The following ITSN2 variants were observed in gnomAD, a reference collection of about 807,000 sequenced individuals.
ITSN2 encodes intersectin-2.
Under a neutral mutation model 243.7 loss-of-function variants are expected in ITSN2, and 156 were observed. The observed-to-expected ratio is 0.64, with a 90% CI of 0.56 to 0.73. The LOEUF is 0.73. Ranked by LOEUF, ITSN2 falls within the 30% of genes least tolerant of loss-of-function variation. The probability of loss-of-function intolerance (pLI) is 0.00; values close to 1 mark genes in which losing one functional copy is unlikely to be tolerated. For synonymous variants in ITSN2, 703 were observed against 699.9 expected, an observed-to-expected ratio of 1.00 and a Z score of -0.07; for missense variants, 1,801 against 1,996.1, an observed-to-expected ratio of 0.90 and a Z score of 1.86.
chr2:24,312,957 A>T (rs879744226), intron 4 of ITSN2, among the ~76,000 whole-genome samples: 25 of 152,156 alleles, frequency 1.6e-4, no homozygotes, highest in Admixed American at 1.4e-3. Flanking sequence ...TTTCTCAATG[A>T]TAATGTATAT....
At chr2:24,347,685 T>C (rs1687667548) in intron 1 of ITSN2, among the ~76,000 whole-genome samples, 1 of 147,452 alleles carries the variant, frequency 6.8e-6, no homozygotes, top group Non-Finnish European at 1.5e-5. Context: ...AAATGTCATC[T>C]CAAAAAAAAA....
intron 15 of ITSN2, among the ~76,000 whole-genome samples, chr2:24,291,354 C>T (rs1358404481): frequency 6.6e-6 from 1 of 152,182 alleles, no homozygotes; most frequent in South Asian, 2.1e-4. Flanking sequence ...GTCTCAAACT[C>T]CTGGCTTCAA....
At chr2:24,315,745 A>ATC (rs1683834205) in intron 2 of ITSN2, among the ~76,000 whole-genome samples, 2 of 152,076 alleles carry the variant, frequency 1.3e-5, no homozygotes, top group African/African-American at 2.4e-5. Flanking sequence ...GATGGTTTTA[A>ATC]AGTGTGGCAC....
At chr2:24,242,211 A>G (rs1672813930) in intron 29 of ITSN2, 1 of 152,620 alleles carries the variant, frequency 6.6e-6, no homozygotes, top group African/African-American at 2.4e-5. Context: ...TGGGTCCTAA[A>G]AAAAGAAAAT....
chr2:24,266,768 A>C (rs1335761995), intron 20 of ITSN2, among the ~76,000 whole-genome samples: 1 of 142,656 alleles, frequency 7.0e-6, no homozygotes, highest in Non-Finnish European at 1.5e-5. Context: ...CCATCTCCAC[A>C]AAAAAAAAAA....
chr2:24,261,378 T>C, intron 21 of ITSN2, 128 bp from the exon 22 acceptor site: 1 of 899,508 alleles, frequency 1.1e-6, no homozygotes, highest in Non-Finnish European at 1.7e-6. Context: ...GAAATAATTA[T>C]TAACAAACTA....
chr2:24,352,466 A>G (rs762050485), intron 1 of ITSN2, among the ~76,000 whole-genome samples: 10 of 152,192 alleles, frequency 6.6e-5, no homozygotes, highest in Non-Finnish European at 1.3e-4. Flanking sequence ...ATTTGAGAAA[A>G]AAGTTATCAT....
Position 24,233,584 on chromosome 2 carries a change from G to C in ITSN2, c.3578-12518C>G, listed in dbSNP as rs574369101. On this transcript the variant is annotated intron_variant, in intron 29 of 39. Coordinates refer to ENST00000355123, the MANE Select transcript of ITSN2 (RefSeq NM_006277.3). ...GAGTTCTGAAGTCAGATCTGGACTTGAGTTCCAACTCTACTACTTACTCAG... is the reference window on the plus strand; with the variant it reads ...GAGTTCTGAAGTCAGATCTGGACTTCAGTTCCAACTCTACTACTTACTCAG... Among the ~76,000 whole-genome samples the C allele has an allele frequency of 1.5e-4, 23 of 152,320 alleles. No homozygotes were observed. The South Asian group carries it at 4.4e-3, about 29-fold the overall frequency.
Position 24,261,604 on chromosome 2 carries a change from G to T in ITSN2, c.2494C>A (p.Leu832Ile). Reference sequence around the variant, plus strand: ...GCAGATAAAGAAACTGTAGGAGGAAGTAAGGCCTTCTTTGGAGATACAGCT... The same window carrying T: ...GCAGATAAAGAAACTGTAGGAGGAATTAAGGCCTTCTTTGGAGATACAGCT... ...EKAVSPKKAL[L>I]PPTVSLSATS... The change falls in exon 21 of 40, where the codon CTT becomes ATT. Residue 832 changes from leucine (L) to isoleucine (I), a missense_variant. Coordinates refer to ENST00000355123, the MANE Select transcript of ITSN2 (RefSeq NM_006277.3). 1 of 1,613,602 alleles carries T rather than the reference G, an allele frequency of 6.2e-7. No homozygotes were observed. The highest frequency in any genetic ancestry group is 8.5e-7 in the Non-Finnish European group (1 of 1,179,664).
At chr2:24,355,002 T>C (rs369281557) in intron 1 of ITSN2, among the ~76,000 whole-genome samples, 4 of 152,234 alleles carry the variant, frequency 2.6e-5, no homozygotes, top group African/African-American at 9.6e-5. Flanking sequence ...TGCTGCCCTC[T>C]TGGAGCTGTG....
At chr2:24,360,656 C>T (rs1688898082), upstream of ITSN2, 1 of 152,312 alleles carries the variant, frequency 6.6e-6, no homozygotes, top group African/African-American at 2.4e-5. Flanking sequence ...GCTCCTCGCC[C>T]CAGGAGTTCC....
In ITSN2 at chr2:24,345,800, A is replaced by C. The variant is rs1687472450; in HGVS notation, c.-34+14504T>G. On this transcript the variant is annotated intron_variant, in intron 1 of 39. Transcript: ENST00000355123. Reference sequence around the variant, plus strand: ...TTTTAATCTAGCTTGTTTGTCTTTTAATTTTAGGGCATCTTTCATTATACC... The same window carrying C: ...TTTTAATCTAGCTTGTTTGTCTTTTCATTTTAGGGCATCTTTCATTATACC... 3.3e-5 allele frequency among the ~76,000 whole-genome samples: 5 copies of C among 152,142 alleles called. No homozygotes were observed. In the South Asian group the frequency reaches 1.0e-3, roughly 32 times the overall value.
In ITSN2 at chr2:24,334,498, G is replaced by C. The variant is rs570907500; in HGVS notation, c.-33-6383C>G. ...ATTACAATTACTTTCCGTGCCAATAGCGCTCATGCAAACATGGTGAACATT... is the reference window on the plus strand; with the variant it reads ...ATTACAATTACTTTCCGTGCCAATACCGCTCATGCAAACATGGTGAACATT... On this transcript the variant is annotated intron_variant, in intron 1 of 39. Coordinates refer to ENST00000355123, the MANE Select transcript of ITSN2 (RefSeq NM_006277.3). The C allele has an allele frequency of 5.7e-6, 4 of 705,270 alleles. No homozygotes were observed. The Admixed American group carries it at 7.1e-5, about 13-fold the overall frequency. The allele number at this position is 705,270 out of a possible 1,614,324, so 43.7% of individuals were successfully genotyped here.
intron 23 of ITSN2, among the ~76,000 whole-genome samples, chr2:24,256,755 T>TA (rs1275017241): frequency 1.3e-5 from 2 of 150,652 alleles, no homozygotes; most frequent in Non-Finnish European, 3.0e-5. Flanking sequence ...AATGAACAAA[T>TA]AAAAAAAAAG....
intron 32 of ITSN2, among the ~76,000 whole-genome samples, chr2:24,214,827 A>G (rs1427189710): frequency 6.6e-6 from 1 of 152,180 alleles, no homozygotes; most frequent in African/African-American, 2.4e-5. Flanking sequence ...TCTGATAATG[A>G]AAATATTTAA....
chr2:24,340,541 T>A (rs1686938737), intron 1 of ITSN2, among the ~76,000 whole-genome samples: 1 of 151,718 alleles, frequency 6.6e-6, no homozygotes, highest in South Asian at 2.1e-4. Context: ...AAAGTCAAAA[T>A]CGTCGCAGTC....
intron 2 of ITSN2, among the ~76,000 whole-genome samples, chr2:24,317,018 T>C (rs1684007239): frequency 6.6e-6 from 1 of 152,204 alleles, no homozygotes; most frequent in Admixed American, 6.5e-5. Context: ...AAGCCTTGTT[T>C]GTCAAATAGA....
chr2:24,264,934 A>C (rs1184871765), intron 20 of ITSN2, among the ~76,000 whole-genome samples: 1 of 152,072 alleles, frequency 6.6e-6, no homozygotes, highest in Non-Finnish European at 1.5e-5. Flanking sequence ...AAGAAACAAA[A>C]AAAAAAAACA....
At chr2:24,291,648 C>A (rs945088711) in intron 15 of ITSN2, among the ~76,000 whole-genome samples, 20 of 152,198 alleles carry the variant, frequency 1.3e-4, no homozygotes, top group African/African-American at 4.8e-4. Flanking sequence ...CGCCACCATG[C>A]CCAGCTAATT....
Sources: allele counts gnomAD v4.1 joint callset (sites outside exome capture counted in the v4.1 genomes callset), GRCh38; gene constraint gnomAD v4.1.1; transcripts MANE v1.5; gene names NCBI Gene and HGNC (gene_info 2026-07-23, HGNC 2026-07-21).